Variants in BTBD9 observed in about 807,000 individuals in gnomAD.
BTBD9 encodes the protein BTB domain containing 9.
BTBD9 carries 49 observed loss-of-function variants against 64.3 expected under a neutral mutation model. The observed-to-expected ratio is 0.76, with a 90% CI of 0.61 to 0.97. The LOEUF is 0.97. BTBD9 is among the 50% of genes least tolerant of loss of function. The pLI, the probability that BTBD9 is intolerant of heterozygous loss-of-function variation, is 0.00. For synonymous variants in BTBD9, 260 were observed against 274.7 expected, an observed-to-expected ratio of 0.95 and a Z score of 0.53; for missense variants, 598 against 762.1, an observed-to-expected ratio of 0.78 and a Z score of 2.53.
At position 38,595,026 on chromosome 6, in the gene BTBD9, G is replaced by A. The variant is rs1249210415; in HGVS notation, c.186-699C>T. On this transcript the variant is annotated intron_variant, in intron 2 of 10. Transcript: ENST00000481247. ...CATGGTTAAAAAAACTGTGATATAC[G>A]CATTCTATGCAGCCATTAGAAAGAT... Among the ~76,000 whole-genome samples the A allele has an allele frequency of 3.3e-5, 5 of 152,250 alleles. No homozygotes were observed. In the East Asian group the frequency reaches 7.7e-4, roughly 24 times the overall value.
chr6:38,519,975 C>T (rs1274103769), intron 6 of BTBD9, among the ~76,000 whole-genome samples: 1 of 152,154 alleles, frequency 6.6e-6, no homozygotes, highest in Non-Finnish European at 1.5e-5. Flanking sequence ...ATTACCTAAT[C>T]ATTCAGTAAA....
chr6:38,425,122 T>C (rs549709496), intron 6 of BTBD9, among the ~76,000 whole-genome samples: 3 of 149,678 alleles, frequency 2.0e-5, no homozygotes, highest in African/African-American at 7.5e-5. Context: ...GGCCTTTTTT[T>C]TTTTTTTTGA....
At chr6:38,531,185 G>A (rs971761507) in intron 6 of BTBD9, among the ~76,000 whole-genome samples, 24 of 152,178 alleles carry the variant, frequency 1.6e-4, no homozygotes, top group African/African-American at 4.6e-4. Flanking sequence ...TCAAACTTCC[G>A]AAGGTCTAGG....
chr6:38,569,477 T>TA (rs780504908), intron 6 of BTBD9, among the ~76,000 whole-genome samples: 34 of 152,174 alleles, frequency 2.2e-4, no homozygotes, highest in Non-Finnish European at 1.9e-4. Flanking sequence ...CAGAGGCAAA[T>TA]ATAGTTTTTG....
At chr6:38,206,570 A>T (rs189722000) in intron 9 of BTBD9, among the ~76,000 whole-genome samples, 46 of 145,384 alleles carry the variant, frequency 3.2e-4, no homozygotes, top group African/African-American at 1.1e-3. Context: ...AACAAATGAT[A>T]AAAAAAAAAA....
intron 6 of BTBD9, among the ~76,000 whole-genome samples, chr6:38,512,904 T>C (rs943753469): frequency 4.6e-5 from 7 of 152,150 alleles, no homozygotes; most frequent in Non-Finnish European, 1.0e-4. Context: ...AAATGAGGTG[T>C]TAAGATGATG....
intron 6 of BTBD9, among the ~76,000 whole-genome samples, chr6:38,559,074 ATAAC>A (rs2127455040): frequency 6.6e-6 from 1 of 152,278 alleles, no homozygotes; most frequent in African/African-American, 2.4e-5. Flanking sequence ...TAAGTTTACT[ATAAC>A]TGATTCCATT....
At chr6:38,464,654 C>A (rs1291240740) in intron 6 of BTBD9, among the ~76,000 whole-genome samples, 1 of 152,108 alleles carries the variant, frequency 6.6e-6, no homozygotes, top group African/African-American at 2.4e-5. Context: ...TGCCACCGCG[C>A]CTGGCTAAGT....
At chr6:38,249,949 A>G (rs1764336085) in intron 9 of BTBD9, among the ~76,000 whole-genome samples, 1 of 152,212 alleles carries the variant, frequency 6.6e-6, no homozygotes, top group South Asian at 2.1e-4. Flanking sequence ...AAGTCTCTGC[A>G]CTCAGGGAAG....
rs11350619 is a variant in BTBD9 at position 38,391,633 on chromosome 6, C to CT, written c.1155-46541dup. On this transcript the variant is annotated intron_variant, in intron 6 of 10. Transcript: ENST00000481247. ...TCTGAATAAAAACTTGCTTGTTTTT[C>CT]TTTTTTTTTTTTTTTTATAGCCATT... Among the ~76,000 whole-genome samples the CT allele has an allele frequency of 1.3e-3, 180 of 141,162 alleles. 1 individual carries two copies. Among genetic ancestry groups the CT allele is most frequent in the Middle Eastern group, 3.6e-3 (1 of 276 alleles). 92.6% of individuals were successfully genotyped at this position (141,162 alleles called of 152,430 possible).
chr6:38,633,263 A>C (rs1477260503), intron 1 of BTBD9, among the ~76,000 whole-genome samples: 2 of 152,216 alleles, frequency 1.3e-5, no homozygotes, highest in African/African-American at 4.8e-5. Flanking sequence ...TAAAAAGAAC[A>C]CAGGCTGCAG....
intron 6 of BTBD9, among the ~76,000 whole-genome samples, chr6:38,562,610 C>T (rs562303637): frequency 6.6e-6 from 1 of 152,212 alleles, no homozygotes; most frequent in East Asian, 1.9e-4. Flanking sequence ...TCCAAATAAA[C>T]ATTTATATAC....
intron 6 of BTBD9, among the ~76,000 whole-genome samples, chr6:38,532,627 C>T (rs923262295): frequency 2.0e-5 from 3 of 152,110 alleles, no homozygotes; most frequent in African/African-American, 7.2e-5. Context: ...TCAGAGTCCT[C>T]AGGCCCCTTT....
chr6:38,458,437 C>T (rs1769920166), intron 6 of BTBD9, among the ~76,000 whole-genome samples: 1 of 152,118 alleles, frequency 6.6e-6, no homozygotes, highest in South Asian at 2.1e-4. Flanking sequence ...TTGATTTGTC[C>T]TCCCAAAAGA....
At chr6:38,492,255 G>A (rs1771736449) in intron 6 of BTBD9, among the ~76,000 whole-genome samples, 1 of 152,194 alleles carries the variant, frequency 6.6e-6, no homozygotes, top group African/African-American at 2.4e-5. Flanking sequence ...GTTTTTAAAG[G>A]AGGGAGATGT....
In BTBD9 at chr6:38,592,723, G is replaced by A; in HGVS notation, c.667C>T (p.Gln223Ter). The A allele has an allele frequency of 2.5e-6, 4 of 1,614,176 alleles. No homozygotes were observed. The highest frequency in any genetic ancestry group is 3.4e-6 in the Non-Finnish European group (4 of 1,180,028). ...NSKENHAEIM[Q>*]AVRLPLMSLT... Reference sequence around the variant, plus strand: ...CTCATGAGAGGTAAACGCACAGCCTGCATGATTTCAGCATGATTCTCCTTT... The same window carrying A: ...CTCATGAGAGGTAAACGCACAGCCTACATGATTTCAGCATGATTCTCCTTT... Residue 223 changes from glutamine (Q) to a stop codon, truncating the protein, a stop_gained, in exon 4 of 11, where the codon CAG becomes TAG. Coordinates refer to ENST00000481247, the MANE Select transcript of BTBD9 (RefSeq NM_001099272.2). LOFTEE classifies it high-confidence loss of function.
chr6:38,362,382 A>G (rs771371426), intron 6 of BTBD9, among the ~76,000 whole-genome samples: 1 of 152,256 alleles, frequency 6.6e-6, no homozygotes, highest in Non-Finnish European at 1.5e-5. Flanking sequence ...GTACCCATAC[A>G]GTGTCCAGTA....
At chr6:38,235,260 G>A (rs925616111) in intron 9 of BTBD9, among the ~76,000 whole-genome samples, 4 of 152,204 alleles carry the variant, frequency 2.6e-5, no homozygotes, top group African/African-American at 9.6e-5. Context: ...GTCTGCATAC[G>A]TTTCCTGCAG....
At chr6:38,312,479 C>G (rs535367536) in intron 7 of BTBD9, among the ~76,000 whole-genome samples, 1 of 152,314 alleles carries the variant, frequency 6.6e-6, no homozygotes, top group East Asian at 1.9e-4. Flanking sequence ...AACCTTTACC[C>G]ATTCCAATGG....
Sources: gnomAD v4.1 joint callset for allele counts (sites outside exome capture counted in the v4.1 genomes callset) on GRCh38, gnomAD v4.1.1 for gene constraint, MANE v1.5 for transcripts, NCBI Gene and HGNC (gene_info 2026-07-23, HGNC 2026-07-21) for gene names.